Variants in PCDHGB5 observed in about 807,000 individuals in gnomAD.
PCDHGB5 encodes protocadherin gamma subfamily B, 5, also known as protocadherin gamma-B5.
In PCDHGB5, 48 loss-of-function variants were observed where a neutral mutation model predicts 62.9. That is an observed-to-expected ratio of 0.76 (90% CI 0.61 to 0.97). The LOEUF is 0.97. Among genes scored for constraint, PCDHGB5 ranks in the 50% least tolerant of loss-of-function variants. The pLI, the probability that PCDHGB5 is intolerant of heterozygous loss-of-function variation, is 0.00. For synonymous variants in PCDHGB5, 474 were observed against 511.2 expected, an observed-to-expected ratio of 0.93 and a Z score of 0.98; for missense variants, 1,118 against 1,198.6, an observed-to-expected ratio of 0.93 and a Z score of 0.99.
At chr5:141,452,161 A>G (rs559274240) in intron 1 of PCDHGB5, among the ~76,000 whole-genome samples, 1 of 152,204 alleles carries the variant, frequency 6.6e-6, no homozygotes, top group South Asian at 2.1e-4. Context: ...GTTATATTCT[A>G]TTACTAACAT....
At chr5:141,430,589 G>A in intron 1 of PCDHGB5, 1 of 529,266 alleles carries the variant, frequency 1.9e-6, no homozygotes, top group Non-Finnish European at 3.1e-6. Context: ...TGCTCGCCTT[G>A]CACGCGCCTG....
chr5:141,510,944 C>T lies in PCDHGB5; in HGVS notation c.2546-3C>T, dbSNP rs772921698. 2 of 1,614,120 alleles carry T rather than the reference C, an allele frequency of 1.2e-6. No individual in the cohort carries two copies. Among genetic ancestry groups the T allele is most frequent in the South Asian group, 2.2e-5 (2 of 91,080 alleles). On this transcript the variant is annotated splice_region_variant and splice_polypyrimidine_tract_variant and intron_variant, in intron 3 of 3. Transcript: ENST00000617380. Reference sequence around the variant, plus strand: ...CCCACCTGATCTTCCTCTGTCTCTGCAGAAGCTGCTGATGGGAGCTCCACC... The same window carrying T: ...CCCACCTGATCTTCCTCTGTCTCTGTAGAAGCTGCTGATGGGAGCTCCACC...
Position 141,399,506 on chromosome 5 carries a change from A to G in PCDHGB5, c.1379A>G (p.Asn460Ser). ...QASYLVSVPE[N>S]NPPGASIAQV... is the part of the protein sequence containing the mutation. ...TCCTACTTAGTCAGTGTACCCGAAA[A>G]CAACCCTCCTGGGGCCTCCATCGCG... Residue 460 changes from asparagine to serine, a missense_variant, in exon 1 of 4, where the codon AAC becomes AGC. Asn to Ser is a conservative substitution (Grantham distance 46). Transcript: ENST00000617380. 1 of 1,613,982 alleles carries G rather than the reference A, an allele frequency of 6.2e-7. No individual in the cohort carries two copies. Among genetic ancestry groups the G allele is most frequent in the Non-Finnish European group, 8.5e-7 (1 of 1,179,880 alleles).
At chr5:141,441,757 G>A (rs1423867327) in intron 1 of PCDHGB5, 2 of 381,638 alleles carry the variant, frequency 5.2e-6, no homozygotes, top group Middle Eastern at 6.5e-4. Context: ...GTCAACGTGA[G>A]CCTGCGCGTG....
In PCDHGB5 at chr5:141,491,257, G is replaced by A. The variant is rs754721047; in HGVS notation, c.2398-3550G>A. 2 of 1,614,170 alleles carry A rather than the reference G, an allele frequency of 1.2e-6. No individual in the cohort carries two copies. The highest frequency in any genetic ancestry group is 3.3e-5 in the Admixed American group (2 of 60,020). On this transcript the variant is annotated intron_variant, in intron 1 of 3. Coordinates refer to ENST00000617380, the MANE Select transcript of PCDHGB5 (RefSeq NM_018925.3). This position sits in a 1 kb window ranked among gnomAD's most constrained non-coding sequence, Gnocchi z 6.9. ...GGTTCTGGAGGATGAGGACCCTGAG[G>A]AAATGCCCAAATCCAGTGACTTCCT... is the stretch of plus-strand genomic sequence containing the variant.
In PCDHGB5 at chr5:141,472,980, C is replaced by CAAAA. The variant is rs60579131; in HGVS notation, c.2398-21813_2398-21810dup. ...CAGCCTGGGGAACAAGAGTGAAACT[C>CAAAA]AAAAAAAAAAAAAAAAAGAAAGAAA... On this transcript the variant is annotated intron_variant, in intron 1 of 3. Transcript: ENST00000617380. 5.5e-3 allele frequency among the ~76,000 whole-genome samples: 472 copies of CAAAA among 85,978 alleles called. 4 individuals carry two copies. The highest frequency in any genetic ancestry group is 0.013 in the Admixed American group (104 of 8,158). The allele number at this position is 85,978 out of a possible 152,430, so 56.4% of individuals were successfully genotyped here. A position where few individuals can be genotyped will look rare whatever the true frequency, so the allele number is the denominator to read the frequency against.
chr5:141,422,678 A>G, intron 1 of PCDHGB5: 1 of 1,606,250 alleles, frequency 6.2e-7, no homozygotes, highest in Non-Finnish European at 8.5e-7. Flanking sequence ...GACAGCAAAC[A>G]GAATGCCCTG....
At chr5:141,503,936 C>G (rs2099834285) in intron 2 of PCDHGB5, among the ~76,000 whole-genome samples, 1 of 152,186 alleles carries the variant, frequency 6.6e-6, no homozygotes, top group Non-Finnish European at 1.5e-5. Flanking sequence ...CATTTTCATG[C>G]CTTCAAGGCC....
At chr5:141,419,290 T>C (rs1160812369) in intron 1 of PCDHGB5, 1 of 1,613,914 alleles carries the variant, frequency 6.2e-7, no homozygotes, top group African/African-American at 1.3e-5. Context: ...TCAGTGCCTC[T>C]GACCCAGACT....
In PCDHGB5 at chr5:141,489,637, T is replaced by G. The variant is rs1230531256; in HGVS notation, c.2398-5170T>G. The G allele has an allele frequency of 6.2e-6, 10 of 1,614,032 alleles. No homozygotes were observed. The highest frequency in any genetic ancestry group is 2.7e-5 in the African/African-American group (2 of 74,914). On this transcript the variant is annotated intron_variant, in intron 1 of 3. Transcript: ENST00000617380. The surrounding 1 kb of genome is among the most constrained non-coding windows in gnomAD (Gnocchi z 4.5). The stretch of plus-strand genomic sequence containing the variant: ...GGATCTCAATGACAACTCTCCTAGC[T>G]TTGCCACCCCTGAGCGAGAGATGCG...
chr5:141,511,144 A>C lies in PCDHGB5; in HGVS notation c.2743A>C (p.Lys915Gln). 2 of 1,614,202 alleles carry C rather than the reference A, an allele frequency of 1.2e-6. No homozygotes were observed. The highest frequency in any genetic ancestry group is 1.7e-6 in the Non-Finnish European group (2 of 1,180,016). The change falls in exon 4 of 4, where the codon AAG becomes CAG. Residue 915 changes from lysine to glutamine, a missense_variant. By Grantham distance (53) the Lys-to-Gln change is moderately conservative. Transcript: ENST00000617380. Reference sequence around the variant, plus strand: ...CCCAGCAGGTGGCAATGGCAACAAGAAGAAGTCGGGCAAGAAGGAGAAGAA... The same window carrying C: ...CCCAGCAGGTGGCAATGGCAACAAGCAGAAGTCGGGCAAGAAGGAGAAGAA... ...KAPAGGNGNK[K>Q]KSGKKEKK
At chr5:141,401,561 T>A (rs1436115390) in intron 1 of PCDHGB5, among the ~76,000 whole-genome samples, 1 of 152,230 alleles carries the variant, frequency 6.6e-6, no homozygotes, top group Non-Finnish European at 1.5e-5. Flanking sequence ...ATTGCCTGAA[T>A]TTCTCTTGCT....
At chr5:141,403,655 A>T (rs1262068795) in intron 1 of PCDHGB5, 6 of 1,613,798 alleles carry the variant, frequency 3.7e-6, no homozygotes, top group Non-Finnish European at 4.2e-6. Context: ...AGTGTTGGAT[A>T]CAAATGATAA....
Position 141,399,853 on chromosome 5 carries a change from C to G in PCDHGB5, c.1726C>G (p.Arg576Gly). Residue 576 changes from arginine (R) to glycine (G), a missense_variant, in exon 1 of 4, where the codon CGC (arginine) becomes GGC (glycine). This residue lies in a region of PCDHGB5 where 1,034 missense variants were observed against 1,029.1 expected (regional missense o/e 1.00). Coordinates refer to ENST00000617380, the MANE Select transcript of PCDHGB5 (RefSeq NM_018925.3). ...CTCTGCGCTCTTCGATATGGTGCCG[C>G]GCGCTGCAGAGCCCGGCTACCTGGT... is the stretch of plus-strand genomic sequence containing the variant. ...DGSALFDMVP[R>G]AAEPGYLVTK... 6.2e-7 allele frequency: 1 copy of G among 1,612,978 alleles called. No homozygotes were observed. The highest frequency in any genetic ancestry group is 8.5e-7 in the Non-Finnish European group (1 of 1,179,804).
intron 1 of PCDHGB5, among the ~76,000 whole-genome samples, chr5:141,492,409 C>T (rs1367119266): frequency 6.6e-6 from 1 of 152,230 alleles, no homozygotes. Context: ...TCCCCTCTGC[C>T]GCTCCCTCCG....
chr5:141,464,921 G>C (rs1562002597), intron 1 of PCDHGB5, among the ~76,000 whole-genome samples: 6 of 151,106 alleles, frequency 4.0e-5, no homozygotes, highest in Admixed American at 3.3e-4. Flanking sequence ...TTATTTTTTT[G>C]TAGAGATGTG....
At position 141,399,756 on chromosome 5, in the gene PCDHGB5, C is replaced by G; in HGVS notation, c.1629C>G (p.Ser543Arg). 6.2e-7 allele frequency: 1 copy of G among 1,613,346 alleles called. No homozygotes were observed. The highest frequency in any genetic ancestry group is 8.5e-7 in the Non-Finnish European group (1 of 1,179,818). ...QGSPALSANVSLRVLVGDRND... is the reference protein window; with the variant it reads ...QGSPALSANVRLRVLVGDRND... ...CGCCTGCGCTCAGCGCAAACGTGAGCCTGCGCGTGTTGGTGGGCGACCGAA... is the reference window on the plus strand; with the variant it reads ...CGCCTGCGCTCAGCGCAAACGTGAGGCTGCGCGTGTTGGTGGGCGACCGAA... Residue 543 changes from serine to arginine, a missense_variant, in exon 1 of 4, where the codon AGC becomes AGG. Physicochemically the swap from Ser to Arg is moderately radical, Grantham distance 110. Coordinates refer to ENST00000617380, the MANE Select transcript of PCDHGB5 (RefSeq NM_018925.3).
intron 1 of PCDHGB5, chr5:141,413,350 G>A: frequency 6.2e-7 from 1 of 1,613,974 alleles, no homozygotes; most frequent in Non-Finnish European, 8.5e-7. Context: ...CTTGGGTCTG[G>A]CGCCCCGGGA....
chr5:141,487,467 T>C lies in PCDHGB5; in HGVS notation c.2398-7340T>C. ...GATGACCCTATCAAGTTTGTTGATG[T>C]GGGAGGCCACTCTCATGGCTGTACA... On this transcript the variant is annotated intron_variant, in intron 1 of 3. Transcript: ENST00000617380. The surrounding 1 kb of genome is among the most constrained non-coding windows in gnomAD (Gnocchi z 5.0). 6.2e-7 allele frequency: 1 copy of C among 1,614,186 alleles called. No individual in the cohort carries two copies. The highest frequency in any genetic ancestry group is 8.5e-7 in the Non-Finnish European group (1 of 1,180,026).
Sources: allele counts gnomAD v4.1 joint callset (sites outside exome capture counted in the v4.1 genomes callset), GRCh38; gene constraint gnomAD v4.1.1; regional missense constraint gnomAD v4.1.1; non-coding constraint Gnocchi (gnomAD v3.1); transcripts MANE v1.5; gene names NCBI Gene and HGNC (gene_info 2026-07-23, HGNC 2026-07-21).